SACS: variants seen among roughly 807,000 people sequenced by gnomAD.
SACS encodes the protein sacsin.
In SACS, 197 loss-of-function variants were observed where a neutral mutation model predicts 348.0. The ratio of observed to expected loss-of-function variants is 0.57; its 90% confidence interval spans 0.50 to 0.64. The LOEUF (loss-of-function observed/expected upper bound fraction) is 0.64, where lower values mean the gene tolerates loss of function less well. Among genes scored for constraint, SACS ranks in the 30% least tolerant of loss-of-function variants. The pLI is 0.00. For missense variants in SACS, 4,999 were observed against 5,360.8 expected (o/e 0.93, Z 2.11); for synonymous variants, 1,985 against 1,910.6 (o/e 1.04, Z -1.02).
intron 1 of SACS, among the ~76,000 whole-genome samples, chr13:23,421,718 C>G (rs1426468309): frequency 3.3e-5 from 5 of 151,632 alleles, no homozygotes; most frequent in African/African-American, 1.2e-4. Flanking sequence ...GGGCATCCAC[C>G]TGCGGCCTGA....
At chr13:23,380,122 C>CGT (rs34243922) in intron 2 of SACS, among the ~76,000 whole-genome samples, 6,332 of 116,250 alleles carry the variant, frequency 0.054, 196 homozygotes, top group South Asian at 0.1. Flanking sequence ...GGGATTCCCT[C>CGT]GTGTGTGTGT....
Position 23,409,064 on chromosome 13 carries a change from T to C in SACS, c.20+2156A>G, listed in dbSNP as rs1873366449. 4.2e-5 allele frequency among the ~76,000 whole-genome samples: 2 copies of C among 48,100 alleles called. 1 individual carries two copies. The highest frequency in any genetic ancestry group is 1.7e-3 in the East Asian group (2 of 1,172). The allele number at this position is 48,100 out of a possible 152,430, so 31.6% of individuals were successfully genotyped here. ...ACTTTTTTTTTTTTTTTTTTTTTTT[T>C]TTTTTTGAGACGGAGTCTTCCTGTG... On this transcript the variant is annotated intron_variant, in intron 2 of 9. Transcript: ENST00000382292.
chr13:23,430,172 G>A (rs1440804588), intron 1 of SACS, among the ~76,000 whole-genome samples: 2 of 151,724 alleles, frequency 1.3e-5, no homozygotes, highest in Non-Finnish European at 2.9e-5. Flanking sequence ...TGCACCACTG[G>A]CCTCCAGCCT....
At chr13:23,432,154 G>A (rs902638077) in intron 1 of SACS, among the ~76,000 whole-genome samples, 2 of 152,136 alleles carry the variant, frequency 1.3e-5, no homozygotes, top group Non-Finnish European at 2.9e-5. Context: ...GGCTTCTGGG[G>A]GCAAGTCCTG....
intron 9 of SACS, among the ~76,000 whole-genome samples, chr13:23,351,913 T>C (rs747880665): frequency 3.3e-5 from 5 of 152,072 alleles, no homozygotes; most frequent in South Asian, 2.1e-4. Context: ...CTTGAATCCA[T>C]AGTAGAGAAA....
At chr13:23,399,510 C>T (rs1380893021) in intron 2 of SACS, among the ~76,000 whole-genome samples, 1 of 152,120 alleles carries the variant, frequency 6.6e-6, no homozygotes, top group African/African-American at 2.4e-5. Flanking sequence ...ACAGCCTCTC[C>T]CTTCCCACCT....
At chr13:23,404,739 C>A (rs1292450995) in intron 2 of SACS, among the ~76,000 whole-genome samples, 1 of 152,150 alleles carries the variant, frequency 6.6e-6, no homozygotes, top group Non-Finnish European at 1.5e-5. Context: ...GACACAAAAT[C>A]AACATGAAAA....
At chr13:23,418,900 T>G (rs45437492) in intron 1 of SACS, 7,971 of 152,320 alleles carry the variant, frequency 0.052, 295 homozygotes, top group Non-Finnish European at 0.082. Context: ...GGAGAGTAGG[T>G]GGGGAGTTTC....
intron 3 of SACS, among the ~76,000 whole-genome samples, chr13:23,374,258 T>G (rs1871600866): frequency 6.6e-6 from 1 of 152,138 alleles, no homozygotes; most frequent in South Asian, 2.1e-4. Context: ...ACTAGAAAAC[T>G]GACTCAAGTA....
At chr13:23,378,147 T>G (rs1871889831) in intron 2 of SACS, among the ~76,000 whole-genome samples, 9 of 152,206 alleles carry the variant, frequency 5.9e-5, no homozygotes, top group Admixed American at 5.9e-4. Flanking sequence ...AAAACAGGAT[T>G]GTACAGATTT....
chr13:23,375,456 A>AGGGC, intron 2 of SACS, 187 bp from the exon 3 acceptor site: 1 of 1,175,188 alleles, frequency 8.5e-7, no homozygotes, highest in Non-Finnish European at 1.0e-6. Context: ...GCGGGCCGGG[A>AGGGC]GGGCGGGATC....
chr13:23,430,164 C>T (rs550476608), intron 1 of SACS, among the ~76,000 whole-genome samples: 7 of 151,774 alleles, frequency 4.6e-5, no homozygotes, highest in Admixed American at 1.3e-4. Flanking sequence ...GCCGAGATTG[C>T]ACCACTGGCC....
At chr13:23,412,207 C>G (rs1873515627) in intron 1 of SACS, among the ~76,000 whole-genome samples, 1 of 152,042 alleles carries the variant, frequency 6.6e-6, no homozygotes, top group Non-Finnish European at 1.5e-5. Context: ...TGCAGTGAGC[C>G]AAGATCGCGC....
chr13:23,340,136 T>G lies in SACS; in HGVS notation c.3740A>C (p.Gln1247Pro). Residue 1247 changes from glutamine to proline, a missense_variant, in exon 10 of 10, where the codon CAA (glutamine) becomes CCA (proline). By Grantham distance (76) the Gln-to-Pro change is moderately conservative (BLOSUM62 -1). This residue lies in a region of SACS where 3,156 missense variants were observed against 3,380.1 expected (regional missense o/e 0.93). Coordinates refer to ENST00000382292, the MANE Select transcript of SACS (RefSeq NM_014363.6). ...SKTFSDEDYY[Q>P]FQHILLEIYG... ...AATCTCAAGCAAAATATGCTGGAAT[T>G]GATAGTAGTCTTCATCACTAAAGGT... 1 of 1,613,818 alleles carries G rather than the reference T, an allele frequency of 6.2e-7. No homozygotes were observed. The highest frequency in any genetic ancestry group is 8.5e-7 in the Non-Finnish European group (1 of 1,179,854).
At chr13:23,408,593 C>T (rs1390387642) in intron 2 of SACS, among the ~76,000 whole-genome samples, 1 of 152,194 alleles carries the variant, frequency 6.6e-6, no homozygotes, top group Admixed American at 6.5e-5. Context: ...AATGCTGTGA[C>T]TCTGAGCATG....
At chr13:23,407,531 C>T (rs1436555652) in intron 2 of SACS, among the ~76,000 whole-genome samples, 1 of 152,178 alleles carries the variant, frequency 6.6e-6, no homozygotes, top group Non-Finnish European at 1.5e-5. Context: ...AAATGTCTGA[C>T]TTATTGAAGC....
At chr13:23,371,016 A>G in intron 4 of SACS, 62 bp downstream of exon 4, 2 of 1,156,492 alleles carry the variant, frequency 1.7e-6, no homozygotes, top group Admixed American at 2.0e-5. Context: ...CAAACAAACA[A>G]AAAAACTCAA....
intron 1 of SACS, among the ~76,000 whole-genome samples, chr13:23,431,743 T>G (rs1244639064): frequency 6.6e-6 from 1 of 152,238 alleles, no homozygotes; most frequent in Non-Finnish European, 1.5e-5. Context: ...TCAGCGTTCC[T>G]TTTATAGACA....
intron 1 of SACS, chr13:23,428,828 T>C (rs1874301696): frequency 6.6e-6 from 1 of 152,220 alleles, no homozygotes; most frequent in Admixed American, 6.5e-5. Flanking sequence ...CCTACTTAGG[T>C]TTATGGATAC....
Sources: allele counts gnomAD v4.1 joint callset (sites outside exome capture counted in the v4.1 genomes callset), GRCh38; gene constraint gnomAD v4.1.1; regional missense constraint gnomAD v4.1.1; transcripts MANE v1.5; gene names NCBI Gene and HGNC (gene_info 2026-07-23, HGNC 2026-07-21).